The following CRLS1 variants were observed in gnomAD, a reference collection of about 807,000 sequenced individuals.
CRLS1 encodes the protein cardiolipin synthase 1.
A neutral mutation model predicts 37.0 loss-of-function variants in CRLS1; 24 were observed. That is an observed-to-expected ratio of 0.65 (90% CI 0.47 to 0.91). CRLS1 has a LOEUF of 0.91. Ranked by LOEUF, CRLS1 falls within the 40% of genes least tolerant of loss-of-function variation. The probability of loss-of-function intolerance (pLI) is 0.00; values close to 1 mark genes in which losing one functional copy is unlikely to be tolerated. For synonymous variants in CRLS1, 135 were observed against 159.7 expected, an observed-to-expected ratio of 0.85 and a Z score of 1.17; for missense variants, 373 against 395.8, an observed-to-expected ratio of 0.94 and a Z score of 0.49.
chr20:6,031,222 T>C, intron 3 of CRLS1, 63 bp from the exon 4 acceptor site: 1 of 1,042,282 alleles, frequency 9.6e-7, no homozygotes, highest in Non-Finnish European at 1.4e-6. Flanking sequence ...TATTATTGTA[T>C]TCATAATGCA....
chr20:6,021,077 T>C (rs936658259), intron 3 of CRLS1, among the ~76,000 whole-genome samples: 39 of 149,296 alleles, frequency 2.6e-4, no homozygotes, highest in Non-Finnish European at 5.1e-4. Flanking sequence ...TTTTTTTTTT[T>C]TTTTTTTGAG....
chr20:6,026,782 C>T (rs1979742347), intron 3 of CRLS1, among the ~76,000 whole-genome samples: 2 of 152,216 alleles, frequency 1.3e-5, no homozygotes, highest in Admixed American at 1.3e-4. Flanking sequence ...TGCCTTCCCA[C>T]CAGGGTTTTG....
chr20:6,035,762 C>T (rs371913157), intron 6 of CRLS1, among the ~76,000 whole-genome samples: 9 of 152,112 alleles, frequency 5.9e-5, no homozygotes, highest in African/African-American at 1.9e-4. Context: ...GCTGGGATTA[C>T]AGGCATGTGC....
rs868135649 is a variant in CRLS1 at position 6,012,784 on chromosome 20, A to G, written c.445-2577A>G. The stretch of plus-strand genomic sequence containing the variant: ...AATCATCCAGGCTGAGGTAACAGGA[A>G]TGAAGGGTCAGAGAAATGAGCAACA... On this transcript the variant is annotated intron_variant, in intron 2 of 6. Coordinates refer to ENST00000378863, the MANE Select transcript of CRLS1 (RefSeq NM_019095.6). Among the ~76,000 whole-genome samples the G allele has an allele frequency of 1.1e-4, 17 of 152,198 alleles. 1 individual carries two copies. The South Asian group carries it at 2.5e-3, about 22-fold the overall frequency.
chr20:6,006,937 C>A, intron 1 of CRLS1: 1 of 581,358 alleles, frequency 1.7e-6, no homozygotes, highest in Non-Finnish European at 2.2e-6. Context: ...GGTATACAGG[C>A]CCTTCTGTTT....
At position 6,006,498 on chromosome 20, in the gene CRLS1, C is replaced by G; in HGVS notation, c.252C>G (p.Gly84=). The part of the protein sequence containing the change: ...KAAPRPAAGA[G]AAAEAPGGQW... ...CTCCCAGGCCAGCGGCCGGAGCGGG[C>G]GCCGCTGCCGAAGCCCCGGGCGGCC... is the stretch of plus-strand genomic sequence containing the variant. Residue 84 remains glycine (G), a synonymous_variant, in exon 1 of 7, where the codon GGC becomes GGG. Transcript: ENST00000378863. 7.4e-7 allele frequency: 1 copy of G among 1,356,630 alleles called. No homozygotes were observed. The highest frequency in any genetic ancestry group is 9.4e-7 in the Non-Finnish European group (1 of 1,061,130). 84.0% of individuals were successfully genotyped at this position (1,356,630 alleles called of 1,614,324 possible).
intron 3 of CRLS1, among the ~76,000 whole-genome samples, chr20:6,030,196 T>C (rs947099048): frequency 6.6e-6 from 1 of 152,136 alleles, no homozygotes; most frequent in Non-Finnish European, 1.5e-5. Flanking sequence ...TTAAAAACTT[T>C]CTATGGTGCA....
chr20:6,036,559 T>C (rs1321679542), intron 6 of CRLS1, among the ~76,000 whole-genome samples: 1 of 152,214 alleles, frequency 6.6e-6, no homozygotes, highest in Non-Finnish European at 1.5e-5. Context: ...AAGAGTCTGG[T>C]ACCCTGAGAA....
chr20:6,028,164 A>C (rs751385775), intron 3 of CRLS1: 11 of 152,220 alleles, frequency 7.2e-5, no homozygotes, highest in Non-Finnish European at 1.3e-4. Flanking sequence ...CTCTAAGAGT[A>C]AGAAATATCT....
At chr20:6,017,186 C>T (rs1978826649) in intron 3 of CRLS1, among the ~76,000 whole-genome samples, 1 of 151,892 alleles carries the variant, frequency 6.6e-6, no homozygotes, top group African/African-American at 2.4e-5. Context: ...AGGGTTTTAC[C>T]ACGTTGCCCA....
Position 6,007,383 on chromosome 20 carries a change from C to T in CRLS1, c.306+831C>T, listed in dbSNP as rs376605829. The stretch of plus-strand genomic sequence containing the variant: ...ATCCTGACTGAAGTCCTTCCCAGAA[C>T]GGCAGTAGTTGGTCGAGTATGCCAC... On this transcript the variant is annotated intron_variant, in intron 1 of 6. Transcript: ENST00000378863. 14 of 1,613,602 alleles carry T rather than the reference C, an allele frequency of 8.7e-6. No individual in the cohort carries two copies. The South Asian group carries it at 1.3e-4, about 15-fold the overall frequency.
chr20:6,017,287 G>A (rs1025448074), intron 3 of CRLS1, among the ~76,000 whole-genome samples: 9 of 152,178 alleles, frequency 5.9e-5, no homozygotes, highest in Admixed American at 1.3e-4. Context: ...AACTTGCTAC[G>A]GAACAGTCTC....
At chr20:6,034,597 A>AGTCATTCTGT in intron 6 of CRLS1, 42 bp downstream of exon 6, 1 of 1,393,030 alleles carries the variant, frequency 7.2e-7, no homozygotes, top group Non-Finnish European at 1.0e-6. Context: ...TGTCAACAGA[A>AGTCATTCTGT]TGACTTATGG....
chr20:6,036,211 A>G (rs1395361361), intron 6 of CRLS1, among the ~76,000 whole-genome samples: 2 of 152,190 alleles, frequency 1.3e-5, no homozygotes, highest in East Asian at 3.8e-4. Flanking sequence ...CGGCCTGCCA[A>G]AGTGGTAGGA....
chr20:6,007,214 A>G (rs2122895434), intron 1 of CRLS1: 2 of 1,448,454 alleles, frequency 1.4e-6, no homozygotes, highest in East Asian at 2.5e-5. Flanking sequence ...TACATCTTCA[A>G]TTGTTATGTC....
chr20:6,032,817 G>A (rs1980272508), intron 5 of CRLS1, among the ~76,000 whole-genome samples: 1 of 152,146 alleles, frequency 6.6e-6, no homozygotes, highest in Non-Finnish European at 1.5e-5. Context: ...GGATTTAACA[G>A]GTTAAGAATG....
At chr20:6,015,139 G>A (rs1312188511) in intron 2 of CRLS1, among the ~76,000 whole-genome samples, 1 of 151,870 alleles carries the variant, frequency 6.6e-6, no homozygotes, top group South Asian at 2.1e-4. Flanking sequence ...GACTTGAGGG[G>A]GAAAGAAAAT....
chr20:6,009,753 T>C, intron 1 of CRLS1, 22 bp from the exon 2 acceptor site: 1 of 1,595,914 alleles, frequency 6.3e-7, no homozygotes, highest in East Asian at 2.2e-5. Flanking sequence ...TTTACTTAAA[T>C]TTTGTTGTCT....
In CRLS1 at chr20:6,031,321, T is replaced by C; in HGVS notation, c.611T>C (p.Met204Thr). Reference protein sequence around the residue: ...LTYMIISRDVMLIAAVFYVRY... With the variant: ...LTYMIISRDVTLIAAVFYVRY... The stretch of plus-strand genomic sequence containing the variant: ...TACATGATCATTTCGAGAGATGTAA[T>C]GTTGATTGCTGCTGTTTTTTATGTC... The change falls in exon 4 of 7, where the codon ATG becomes ACG. Residue 204 changes from methionine (M) to threonine (T), a missense_variant. Met to Thr is a moderately conservative substitution (Grantham distance 81). Transcript: ENST00000378863. 6.2e-7 allele frequency: 1 copy of C among 1,609,704 alleles called. No individual in the cohort carries two copies. Among genetic ancestry groups the C allele is most frequent in the Non-Finnish European group, 8.5e-7 (1 of 1,178,122 alleles).
Sources: allele counts gnomAD v4.1 joint callset (sites outside exome capture counted in the v4.1 genomes callset), GRCh38; gene constraint gnomAD v4.1.1; transcripts MANE v1.5; gene names NCBI Gene and HGNC (gene_info 2026-07-23, HGNC 2026-07-21).